PTPRD: variants seen among roughly 807,000 people sequenced by gnomAD.
PTPRD encodes the protein protein tyrosine phosphatase receptor type D, also known as receptor-type tyrosine-protein phosphatase delta.
Under a neutral mutation model 214.5 loss-of-function variants are expected in PTPRD, and 34 were observed. The ratio of observed to expected loss-of-function variants is 0.16; its 90% CI spans 0.12 to 0.21. The LOEUF (loss-of-function observed/expected upper bound fraction) is 0.21, where lower values mean the gene tolerates loss of function less well. PTPRD is among the 10% of genes least tolerant of loss of function. The pLI, the probability that PTPRD is intolerant of heterozygous loss-of-function variation, is 1.00. For missense variants in PTPRD, 2,545 were observed against 2,398.7 expected, an observed-to-expected ratio of 1.06 and a Z score of -1.27; for synonymous variants, 1,128 against 845.7, an observed-to-expected ratio of 1.33 and a Z score of -5.79.
chr9:9,074,512 TG>T (rs913186658), intron 10 of PTPRD, among the ~76,000 whole-genome samples: 5 of 152,080 alleles, frequency 3.3e-5, no homozygotes, highest in African/African-American at 9.6e-5. Flanking sequence ...TTCCACCTTA[TG>T]TTTTATGGAT....
At chr9:8,441,032 G>C (rs2132856050) in intron 34 of PTPRD, among the ~76,000 whole-genome samples, 1 of 152,246 alleles carries the variant, frequency 6.6e-6, no homozygotes, top group South Asian at 2.1e-4. Flanking sequence ...AATGAAGTGG[G>C]GGGCAAAGTC....
At chr9:10,217,521 C>A (rs1051155573) in intron 3 of PTPRD, among the ~76,000 whole-genome samples, 3 of 151,924 alleles carry the variant, frequency 2.0e-5, no homozygotes, top group Non-Finnish European at 2.9e-5. Flanking sequence ...TCACAGCATT[C>A]TTTCTATTTA....
intron 9 of PTPRD, among the ~76,000 whole-genome samples, chr9:9,338,118 A>T (rs939961766): frequency 1.3e-5 from 2 of 152,210 alleles, no homozygotes; most frequent in African/African-American, 4.8e-5. Flanking sequence ...ACAAATAGTC[A>T]TTATGGAAAA....
intron 12 of PTPRD, among the ~76,000 whole-genome samples, chr9:8,685,849 A>C (rs1348713082): frequency 1.3e-5 from 2 of 152,250 alleles, no homozygotes; most frequent in African/African-American, 4.8e-5. Flanking sequence ...AAATAAATAA[A>C]AATAAAATGC....
intron 3 of PTPRD, among the ~76,000 whole-genome samples, chr9:10,049,440 G>GAAAGAAAGAAAGAAAGAAAGAAAGAAAA (rs2097484099): frequency 7.3e-6 from 1 of 137,856 alleles, no homozygotes; most frequent in Non-Finnish European, 1.6e-5. Flanking sequence ...AGAAAGAAAA[G>GAAAGAAAGAAAGAAAGAAAGAAAGAAAA]AAAAAAAAAA....
At chr9:9,118,647 T>A (rs564652298) in intron 10 of PTPRD, among the ~76,000 whole-genome samples, 41 of 152,202 alleles carry the variant, frequency 2.7e-4, no homozygotes, top group Admixed American at 1.1e-3. Context: ...GCAGCTTTCC[T>A]CTATTGAGAC....
intron 3 of PTPRD, among the ~76,000 whole-genome samples, chr9:10,336,971 A>C (rs1484062344): frequency 8.6e-5 from 13 of 151,718 alleles, no homozygotes; most frequent in Admixed American, 7.9e-4. Context: ...ATATCCATTC[A>C]AGGTCGTAGT....
At chr9:9,753,767 T>A (rs1404193201) in intron 6 of PTPRD, among the ~76,000 whole-genome samples, 1 of 152,000 alleles carries the variant, frequency 6.6e-6, no homozygotes, top group Non-Finnish European at 1.5e-5. Context: ...AAATTTTAAA[T>A]TCAGAGGTCA....
At chr9:9,743,771 A>ACACACACACACACACAC (rs1218520561) in intron 6 of PTPRD, among the ~76,000 whole-genome samples, 45 of 118,756 alleles carry the variant, frequency 3.8e-4, no homozygotes, top group African/African-American at 9.4e-4. Context: ...CACACACACA[A>ACACACACACACACACAC]TTTATACTGA....
At chr9:10,194,331 TATATATATATATATAGAGAGAGAGAG>T (rs1381808570) in intron 3 of PTPRD, among the ~76,000 whole-genome samples, 11 of 61,800 alleles carry the variant, frequency 1.8e-4, no homozygotes, top group Middle Eastern at 8.6e-3. Flanking sequence ...TATATATATA[TATATATATATATATAGAGAGAGAGAG>T]AGAGAGAGAG....
In PTPRD at chr9:8,462,637, C is replaced by T. The variant is rs1464727198; in HGVS notation, c.3715-2066G>A. 2.0e-5 allele frequency among the ~76,000 whole-genome samples: 3 copies of T among 151,934 alleles called. No individual in the cohort carries two copies. The South Asian group carries it at 6.2e-4, about 32-fold the overall frequency. On this transcript the variant is annotated intron_variant, in intron 32 of 45. Transcript: ENST00000381196. ...CTCAACTCCCTCACAAGTTCCACAA[C>T]ATTTAGCTCCTGAAATTGAACAACT...
intron 30 of PTPRD, among the ~76,000 whole-genome samples, 191 bp downstream of exon 30, chr9:8,483,928 G>C (rs1325767869): frequency 6.6e-6 from 1 of 152,196 alleles, no homozygotes; most frequent in East Asian, 1.9e-4. Context: ...TTAAATTAAT[G>C]AAAATCTGTG....
intron 8 of PTPRD, among the ~76,000 whole-genome samples, chr9:9,546,570 C>T (rs116876399): frequency 0.017 from 2,570 of 151,436 alleles, 40 homozygotes; most frequent in Admixed American, 0.027. Flanking sequence ...CATATTCCAC[C>T]GACAATTACT....
At chr9:10,606,721 T>C (rs1333537168) in intron 2 of PTPRD, among the ~76,000 whole-genome samples, 1 of 151,812 alleles carries the variant, frequency 6.6e-6, no homozygotes, top group Non-Finnish European at 1.5e-5. Flanking sequence ...TCATGTTACA[T>C]GTGGGTAGTA....
intron 7 of PTPRD, among the ~76,000 whole-genome samples, chr9:9,691,712 T>G (rs1595356201): frequency 6.6e-6 from 1 of 152,046 alleles, no homozygotes; most frequent in East Asian, 1.9e-4. Context: ...CTGTTCTCCA[T>G]AGTAGTTGTA....
chr9:9,673,488 G>A (rs1257295204), intron 7 of PTPRD, among the ~76,000 whole-genome samples: 3 of 151,624 alleles, frequency 2.0e-5, no homozygotes, highest in Admixed American at 2.0e-4. Flanking sequence ...TCCCACTGTA[G>A]ACACAGTAAA....
chr9:9,775,981 C>CAAAAAAAAAAAAAAAAAAAA (rs1454097319), intron 5 of PTPRD, among the ~76,000 whole-genome samples: 1 of 86,344 alleles, frequency 1.2e-5, no homozygotes. Context: ...AAAAAAAAAG[C>CAAAAAAAAAAAAAAAAAAAA]AAATCCTTTT....
intron 35 of PTPRD, among the ~76,000 whole-genome samples, chr9:8,433,936 C>T (rs2095224499): frequency 6.6e-6 from 1 of 152,132 alleles, no homozygotes; most frequent in African/African-American, 2.4e-5. Flanking sequence ...AAAAGTCTTG[C>T]AAGCTCCATT....
intron 39 of PTPRD, among the ~76,000 whole-genome samples, chr9:8,343,043 T>A (rs377071706): frequency 6.6e-6 from 1 of 152,034 alleles, no homozygotes. Context: ...GCAACGAAGA[T>A]ACCAGAACTC....
Sources: gnomAD v4.1 joint callset for allele counts (sites outside exome capture counted in the v4.1 genomes callset) on GRCh38, gnomAD v4.1.1 for gene constraint, MANE v1.5 for transcripts, NCBI Gene and HGNC (gene_info 2026-07-23, HGNC 2026-07-21) for gene names.